TXNRD1: variants seen among roughly 807,000 people sequenced by gnomAD.
The protein encoded by TXNRD1 is thioredoxin reductase 1, cytoplasmic.
Under a neutral mutation model 80.3 loss-of-function variants are expected in TXNRD1, and 57 were observed. That is an observed-to-expected ratio of 0.71 (90% CI 0.57 to 0.89). The LOEUF is 0.89. Ranked by LOEUF, TXNRD1 falls within the 40% of genes least tolerant of loss-of-function variation. The pLI, the probability that TXNRD1 is intolerant of heterozygous loss-of-function variation, is 0.00. For missense variants in TXNRD1, 730 were observed against 803.0 expected, an observed-to-expected ratio of 0.91 and a Z score of 1.10; for synonymous variants, 291 against 285.2, an observed-to-expected ratio of 1.02 and a Z score of -0.20.
chr12:104,293,522 C>G (rs2034303105), intron 4 of TXNRD1, among the ~76,000 whole-genome samples: 1 of 152,142 alleles, frequency 6.6e-6, no homozygotes. Flanking sequence ...TTGATATTGG[C>G]TCATTGCAAC....
chr12:104,302,566 T>G (rs2034677600), intron 4 of TXNRD1, among the ~76,000 whole-genome samples: 1 of 137,342 alleles, frequency 7.3e-6, no homozygotes, highest in Non-Finnish European at 1.5e-5. Context: ...CTCGGCTCAC[T>G]GCAAACTCCG....
At chr12:104,345,144 CTGAT>C (rs1000834788) in intron 16 of TXNRD1, among the ~76,000 whole-genome samples, 2 of 152,178 alleles carry the variant, frequency 1.3e-5, no homozygotes, top group African/African-American at 4.8e-5. Flanking sequence ...TTGACAGTGA[CTGAT>C]CTAGTAATAA....
Position 104,269,187 on chromosome 12 carries a change from G to A in TXNRD1, c.304+11108G>A, listed in dbSNP as rs571616229. Reference sequence around the variant, plus strand: ...CCCAAAGTGCTGGGATTATAGGCGTGAACCACTGTGCCCAGCCCTTGTTGT... The same window carrying A: ...CCCAAAGTGCTGGGATTATAGGCGTAAACCACTGTGCCCAGCCCTTGTTGT... On this transcript the variant is annotated intron_variant, in intron 3 of 16. Coordinates refer to ENST00000525566, the MANE Select transcript of TXNRD1 (RefSeq NM_001093771.3). 1.5e-3 allele frequency among the ~76,000 whole-genome samples: 228 copies of A among 152,146 alleles called. 1 individual carries two copies. The highest frequency in any genetic ancestry group is 8.3e-3 in the South Asian group (40 of 4,826).
intron 16 of TXNRD1, 84 bp from the exon 17 acceptor site, chr12:104,348,269 A>G (rs35769593): frequency 1.6e-6 from 2 of 1,259,374 alleles, no homozygotes; most frequent in Non-Finnish European, 2.3e-6. Context: ...GATGGTTTTA[A>G]TGCATATGGC....
chr12:104,253,066 A>C (rs2033164314), intron 2 of TXNRD1, among the ~76,000 whole-genome samples: 1 of 151,966 alleles, frequency 6.6e-6, no homozygotes, highest in South Asian at 2.1e-4. Context: ...TCCAGATCTC[A>C]AGGAGTTTGA....
intron 3 of TXNRD1, 129 bp from the exon 4 acceptor site, chr12:104,288,802 G>T (rs1287278593): frequency 6.3e-7 from 1 of 1,589,558 alleles, no homozygotes; most frequent in Non-Finnish European, 8.6e-7. Flanking sequence ...ATGCTAACTT[G>T]CAAGGGAGTC....
chr12:104,348,252 C>A, intron 16 of TXNRD1, 101 bp from the exon 17 acceptor site: 2 of 968,600 alleles, frequency 2.1e-6, no homozygotes, highest in South Asian at 1.5e-5. Flanking sequence ...TTTTGGTAGT[C>A]GCCTAAGATG....
At chr12:104,273,636 G>A (rs141879757) in intron 3 of TXNRD1, among the ~76,000 whole-genome samples, 12 of 152,052 alleles carry the variant, frequency 7.9e-5, no homozygotes, top group South Asian at 2.1e-4. Flanking sequence ...AAGAATGCTC[G>A]CGCCACCCTC....
chr12:104,346,149 A>G (rs2036483593), intron 16 of TXNRD1: 1 of 426,766 alleles, frequency 2.3e-6, no homozygotes, highest in Non-Finnish European at 4.5e-6. Flanking sequence ...AGTAGCTGGG[A>G]CCACAGGTAC....
chr12:104,247,107 G>A (rs919102571), intron 1 of TXNRD1, among the ~76,000 whole-genome samples: 5 of 151,522 alleles, frequency 3.3e-5, no homozygotes, highest in Admixed American at 1.3e-4. Flanking sequence ...TCTCACGGTC[G>A]CCCAGGCTGC....
chr12:104,238,639 CTG>C (rs1341130428), intron 1 of TXNRD1, among the ~76,000 whole-genome samples: 2 of 151,982 alleles, frequency 1.3e-5, no homozygotes, highest in Non-Finnish European at 2.9e-5. Context: ...GTTGAAATAA[CTG>C]TGTGGTTTTC....
chr12:104,304,740 G>A (rs2034816076), intron 4 of TXNRD1: 1 of 1,613,806 alleles, frequency 6.2e-7, no homozygotes, highest in Non-Finnish European at 8.5e-7. Flanking sequence ...GTAAGAGATG[G>A]TTTTGCAAGA....
Position 104,321,115 on chromosome 12 carries a change from C to G in TXNRD1, c.1014C>G (p.Tyr338Ter), listed in dbSNP as rs1179476565. The change falls in exon 10 of 17, where the codon TAC becomes TAG. Residue 338 changes from tyrosine (Y) to a stop codon, truncating the protein, a stop_gained. Coordinates refer to ENST00000525566, the MANE Select transcript of TXNRD1 (RefSeq NM_001093771.3). LOFTEE classifies it high-confidence loss of function. Reference protein sequence around the residue: ...ISSDDLFSLPYCPGKTLVVGA... With the variant: ...ISSDDLFSLP ...GTGATGATCTTTTCTCCTTGCCTTA[C>G]TGCCCGGGTAAGACCCTGGTTGTTG... The G allele has an allele frequency of 6.2e-7, 1 of 1,607,660 alleles. No individual in the cohort carries two copies.
In TXNRD1 at chr12:104,300,876, C is replaced by G. The variant is rs138435847; in HGVS notation, c.415-10414C>G. Among the ~76,000 whole-genome samples the G allele has an allele frequency of 2.5e-4, 38 of 152,278 alleles. 1 individual carries two copies. In the East Asian group the frequency reaches 5.0e-3, roughly 20 times the overall value. On this transcript the variant is annotated intron_variant, in intron 4 of 16. Transcript: ENST00000525566. ...GATCAGGCTGGTCTCAAACTCCTGACCTCAGGTGAGCCACCCACCTCGGCC... is the reference window on the plus strand; with the variant it reads ...GATCAGGCTGGTCTCAAACTCCTGAGCTCAGGTGAGCCACCCACCTCGGCC...
chr12:104,229,239 C>T (rs1045020595), intron 1 of TXNRD1, among the ~76,000 whole-genome samples: 2 of 148,916 alleles, frequency 1.3e-5, no homozygotes, highest in African/African-American at 5.0e-5. Flanking sequence ...CTTCTACCTC[C>T]TGGGCTCAAG....
intron 1 of TXNRD1, among the ~76,000 whole-genome samples, chr12:104,250,109 T>G (rs1040707898): frequency 2.0e-5 from 3 of 152,120 alleles, no homozygotes; most frequent in Admixed American, 1.3e-4. Flanking sequence ...TACCTTTACA[T>G]TTATGGTCAA....
intron 6 of TXNRD1, 44 bp from the exon 7 acceptor site, chr12:104,315,733 G>T: frequency 1.3e-6 from 2 of 1,581,286 alleles, no homozygotes; most frequent in Non-Finnish European, 1.7e-6. Context: ...TGTTTGTAAG[G>T]CTTGGAAAGC....
intron 2 of TXNRD1, among the ~76,000 whole-genome samples, chr12:104,255,331 T>C (rs2033225165): frequency 6.6e-6 from 1 of 152,058 alleles, no homozygotes; most frequent in African/African-American, 2.4e-5. Context: ...AATGTTCTTA[T>C]TCTTACTGTT....
intron 3 of TXNRD1, chr12:104,284,446 C>T (rs1445598104): frequency 6.6e-6 from 1 of 152,142 alleles, no homozygotes; most frequent in African/African-American, 2.4e-5. Context: ...ATCATTCTAG[C>T]TCAGTATGGT....
Sources: allele counts gnomAD v4.1 joint callset (sites outside exome capture counted in the v4.1 genomes callset), GRCh38; gene constraint gnomAD v4.1.1; transcripts MANE v1.5; gene names NCBI Gene and HGNC (gene_info 2026-07-23, HGNC 2026-07-21).